NPR1: variants seen among roughly 807,000 people sequenced by gnomAD.
NPR1 encodes natriuretic peptide receptor 1, also known as atrial natriuretic peptide receptor 1.
A neutral mutation model predicts 116.9 loss-of-function variants in NPR1; 57 were observed. The observed-to-expected ratio is 0.49, with a 90% CI of 0.39 to 0.61. NPR1 has a LOEUF of 0.61. Among genes scored for constraint, NPR1 ranks in the 20% least tolerant of loss-of-function variants. The probability of loss-of-function intolerance (pLI) is 0.00; values close to 1 mark genes in which losing one functional copy is unlikely to be tolerated. For missense variants in NPR1, 1,096 were observed against 1,409.8 expected, an observed-to-expected ratio of 0.78 and a Z score of 3.56; for synonymous variants, 555 against 601.6, an observed-to-expected ratio of 0.92 and a Z score of 1.13.
intron 13 of NPR1, 63 bp from the exon 14 acceptor site, chr1:153,687,571 T>C: frequency 6.5e-7 from 1 of 1,527,762 alleles, no homozygotes; most frequent in Middle Eastern, 1.9e-4. Flanking sequence ...CACACCCTTG[T>C]TTCCCCCTCA....
At chr1:153,686,091 C>T (rs1233260582) in intron 9 of NPR1, 32 bp from the exon 10 acceptor site, 3 of 1,607,138 alleles carry the variant, frequency 1.9e-6, no homozygotes, top group Non-Finnish European at 2.6e-6. Flanking sequence ...GGACCATGCT[C>T]TTCACAGTGA....
rs779332474 is a variant in NPR1, at chr1:153,689,532, G to C, written c.2757+11G>C. ...TTTGATGTGTACAAGGTGAGGGTGG[G>C]AGTGGGGATGGGAAGGGACAGACAG... On this transcript the variant is annotated intron_variant, in intron 18 of 21. Transcript: ENST00000368680. The surrounding 1 kb of genome is among the most constrained non-coding windows in gnomAD (Gnocchi z 5.1). 6.2e-7 allele frequency: 1 copy of C among 1,612,656 alleles called. No individual in the cohort carries two copies. The highest frequency in any genetic ancestry group is 8.5e-7 in the Non-Finnish European group (1 of 1,178,638).
intron 19 of NPR1, 51 bp from the exon 20 acceptor site, chr1:153,690,233 C>T: frequency 7.0e-7 from 1 of 1,424,910 alleles, no homozygotes; most frequent in Non-Finnish European, 9.7e-7. Flanking sequence ...CTTAACACCC[C>T]TCCCTCCCTC....
chr1:153,691,736 A>G (rs545843587), intron 20 of NPR1, among the ~76,000 whole-genome samples: 25 of 152,116 alleles, frequency 1.6e-4, no homozygotes, highest in African/African-American at 5.8e-4. Flanking sequence ...TGTCTCTACT[A>G]AAAATACAAA....
At position 153,680,575 on chromosome 1, in the gene NPR1, G is replaced by T; in HGVS notation, c.796G>T (p.Glu266Ter). 6.2e-7 allele frequency: 1 copy of T among 1,614,164 alleles called. No individual in the cohort carries two copies. The highest frequency in any genetic ancestry group is 1.3e-5 in the African/African-American group (1 of 75,044). ...LLALEAGLCG[E>*]DYVFFHLDIF... ...GGCCCTGGAAGCTGGCTTGTGTGGG[G>T]AGGACTACGTTTTCTTCCACCTGGA... Residue 266 changes from glutamate to a stop codon, truncating the protein, a stop_gained, in exon 2 of 22, where the codon GAG (glutamate) becomes TAG (stop). Transcript: ENST00000368680. LOFTEE classifies it high-confidence loss of function.
intron 20 of NPR1, among the ~76,000 whole-genome samples, chr1:153,691,112 G>GA (rs1315680678): frequency 3.3e-5 from 5 of 152,204 alleles, no homozygotes; most frequent in East Asian, 3.9e-4. Context: ...TAAAAAGAGG[G>GA]AAAAAATCTA....
At position 153,679,911 on chromosome 1, in the gene NPR1, C is replaced by T; in HGVS notation, c.721+82C>T. ...TGCCGGAGGCATCGGGACTTTCTCTCTCATCTGGGGGCACTCTTCTTTCTC... is the reference window on the plus strand; with the variant it reads ...TGCCGGAGGCATCGGGACTTTCTCTTTCATCTGGGGGCACTCTTCTTTCTC... On this transcript the variant is annotated intron_variant, in intron 1 of 21. Coordinates refer to ENST00000368680, the MANE Select transcript of NPR1 (RefSeq NM_000906.4). This position sits in a 1 kb window ranked among gnomAD's most constrained non-coding sequence, Gnocchi z 4.2. 1 of 1,485,182 alleles carries T rather than the reference C, an allele frequency of 6.7e-7. No homozygotes were observed. Among genetic ancestry groups the T allele is most frequent in the Non-Finnish European group, 8.9e-7 (1 of 1,120,438 alleles). 92.0% of individuals were successfully genotyped at this position (1,485,182 alleles called of 1,614,324 possible).
Position 153,679,211 on chromosome 1 carries a change from C to T in NPR1, c.103C>T (p.Leu35=). The change falls in exon 1 of 22, where the codon CTG becomes TTG. Residue 35 remains leucine, a synonymous_variant. Transcript: ENST00000368680. The surrounding 1 kb of genome is among the most constrained non-coding windows in gnomAD (Gnocchi z 4.2). ...LLLRGSHAGN[L]TVAVVLPLAN... is the part of the protein sequence containing the mutation. ...GCTCCGGGGCAGCCACGCGGGCAAC[C>T]TGACGGTAGCCGTGGTACTGCCGCT... is the stretch of plus-strand genomic sequence containing the variant. 1 of 1,520,832 alleles carries T rather than the reference C, an allele frequency of 6.6e-7. No individual in the cohort carries two copies. Among genetic ancestry groups the T allele is most frequent in the Non-Finnish European group, 8.8e-7 (1 of 1,138,906 alleles). 94.2% of individuals were successfully genotyped at this position (1,520,832 alleles called of 1,614,324 possible).
At chr1:153,691,167 A>G (rs1240837384) in intron 20 of NPR1, among the ~76,000 whole-genome samples, 2 of 152,170 alleles carry the variant, frequency 1.3e-5, no homozygotes, top group East Asian at 1.9e-4. Context: ...TGTCTACCAC[A>G]TAATTGTCAT....
At chr1:153,680,305 GC>G (rs1669731320) in intron 1 of NPR1, among the ~76,000 whole-genome samples, 195 bp from the exon 2 acceptor site, 1 of 28,784 alleles carries the variant, frequency 3.5e-5, no homozygotes, top group South Asian at 1.4e-3. Context: ...CCCGCCCACC[GC>G]CCCGCACCCG....
intron 2 of NPR1, 136 bp downstream of exon 2, chr1:153,680,836 TCA>T (rs547869374): frequency 3.0e-4 from 220 of 726,692 alleles, no homozygotes; most frequent in African/African-American, 3.0e-3. Flanking sequence ...TCCTGGTAAC[TCA>T]CAGAACAGAA....
intron 11 of NPR1, 29 bp from the exon 12 acceptor site, chr1:153,686,987 G>T (rs767349661): frequency 1.4e-5 from 22 of 1,611,690 alleles, no homozygotes; most frequent in East Asian, 1.3e-4. Flanking sequence ...ATCTGCAGGG[G>T]ATTGGTCTGA....
chr1:153,684,836 G>C, intron 7 of NPR1, 128 bp from the exon 8 acceptor site: 1 of 1,269,560 alleles, frequency 7.9e-7, no homozygotes, highest in South Asian at 1.4e-5. Context: ...TCTCAGTCCA[G>C]AGGATAGAAT....
At position 153,682,583 on chromosome 1, in the gene NPR1, C is replaced by T. The variant is rs1286354808; in HGVS notation, c.1257C>T (p.Ala419=). The T allele has an allele frequency of 3.1e-6, 5 of 1,613,222 alleles. No individual in the cohort carries two copies. Among genetic ancestry groups the T allele is most frequent in the Middle Eastern group, 1.6e-4 (1 of 6,076 alleles). The change falls in exon 5 of 22, where the codon GCC becomes GCT. Residue 419 remains alanine (A), a synonymous_variant. Coordinates refer to ENST00000368680, the MANE Select transcript of NPR1 (RefSeq NM_000906.4). ...GGGATATGGATCCCGAGAATGGTGCCTTCAGGGTAAGTTTGTGCACCCAGA... is the reference window on the plus strand; with the variant it reads ...GGGATATGGATCCCGAGAATGGTGCTTTCAGGGTAAGTTTGTGCACCCAGA... ...SLWDMDPENG[A]FRVVLNYNGT...
intron 12 of NPR1, 29 bp from the exon 13 acceptor site, chr1:153,687,171 C>G: frequency 6.2e-7 from 1 of 1,613,974 alleles, no homozygotes; most frequent in Admixed American, 1.7e-5. Flanking sequence ...CCACTCCTGG[C>G]CAATACCTCT....
intron 6 of NPR1, 21 bp downstream of exon 6, chr1:153,683,532 A>G: frequency 6.2e-7 from 1 of 1,613,574 alleles, no homozygotes; most frequent in South Asian, 1.1e-5. Flanking sequence ...CTTGCCTTCC[A>G]GGCCTCCATC....
intron 4 of NPR1, among the ~76,000 whole-genome samples, chr1:153,682,249 A>G (rs1669802082): frequency 6.6e-6 from 1 of 151,818 alleles, no homozygotes; most frequent in South Asian, 2.1e-4. Context: ...TAGTAGAGAC[A>G]GGGTTTCACC....
At chr1:153,683,903 G>T in intron 7 of NPR1, 79 bp downstream of exon 7, 1 of 1,294,186 alleles carries the variant, frequency 7.7e-7, no homozygotes, top group South Asian at 1.2e-5. Flanking sequence ...GGGACCCAGA[G>T]GGAAGAGGGC....
At chr1:153,683,647 A>G in intron 6 of NPR1, 93 bp from the exon 7 acceptor site, 1 of 1,546,032 alleles carries the variant, frequency 6.5e-7, no homozygotes, top group Admixed American at 1.7e-5. Flanking sequence ...CCCTTCATCC[A>G]TCATCCCAGT....
Sources: gnomAD v4.1 joint callset for allele counts (sites outside exome capture counted in the v4.1 genomes callset) on GRCh38, gnomAD v4.1.1 for gene constraint, Gnocchi (gnomAD v3.1) non-coding constraint, MANE v1.5 for transcripts, NCBI Gene and HGNC (gene_info 2026-07-23, HGNC 2026-07-21) for gene names.